TDRD12: variants seen among roughly 807,000 people sequenced by gnomAD.
TDRD12 encodes the protein putative ATP-dependent RNA helicase TDRD12.
A neutral mutation model predicts 133.5 loss-of-function variants in TDRD12; 158 were observed. The ratio of observed to expected loss-of-function variants is 1.18; its 90% CI spans 1.04 to 1.35. The LOEUF (loss-of-function observed/expected upper bound fraction) is 1.35, where lower values mean the gene tolerates loss of function less well. Ranked by LOEUF, TDRD12 falls within the 40% of genes most tolerant of loss-of-function variation. TDRD12 has a pLI of 0.00. For synonymous variants in TDRD12, 460 were observed against 477.9 expected (o/e 0.96, Z 0.49); for missense variants, 1,443 against 1,321.3 (o/e 1.09, Z -1.43).
At chr19:32,780,732 G>A (rs756229901) in intron 11 of TDRD12, among the ~76,000 whole-genome samples, 8 of 151,704 alleles carry the variant, frequency 5.3e-5, no homozygotes, top group Non-Finnish European at 8.8e-5. Context: ...CTGCTTCTCT[G>A]TTTTCACATA....
intron 1 of TDRD12, among the ~76,000 whole-genome samples, chr19:32,720,858 G>C (rs562478466): frequency 1.6e-4 from 21 of 128,984 alleles, no homozygotes; most frequent in Non-Finnish European, 2.6e-4. Flanking sequence ...ACCCCGGGCT[G>C]GGAGCTGGGG....
intron 21 of TDRD12, among the ~76,000 whole-genome samples, chr19:32,805,735 T>A (rs1475160314): frequency 6.8e-6 from 1 of 146,992 alleles, no homozygotes; most frequent in East Asian, 2.0e-4. Context: ...TTATCTTTTT[T>A]TTTTTTTTTT....
rs966111864 is a variant in TDRD12, at chr19:32,719,909, C to T, written c.-164C>T. 1.2e-6 allele frequency: 1 copy of T among 809,682 alleles called. No homozygotes were observed. The highest frequency in any genetic ancestry group is 2.0e-6 in the Non-Finnish European group (1 of 508,358). 50.2% of individuals were successfully genotyped at this position (809,682 alleles called of 1,614,324 possible). Reference sequence around the variant, plus strand: ...CGGGGTCCGCGAGGGCTCCTGGGGACGAGGAGTGTGGGGCACCTGCCGCGG... The same window carrying T: ...CGGGGTCCGCGAGGGCTCCTGGGGATGAGGAGTGTGGGGCACCTGCCGCGG... On this transcript the variant is annotated 5_prime_UTR_variant, in exon 1 of 28. It adds an upstream start codon to the 5' untranslated region. Transcript: ENST00000444215.
At chr19:32,792,616 G>A (rs1213259734) in intron 13 of TDRD12, among the ~76,000 whole-genome samples, 2 of 152,104 alleles carry the variant, frequency 1.3e-5, no homozygotes, top group African/African-American at 2.4e-5. Context: ...CTGAAAAATG[G>A]GATTTCTAGG....
At chr19:32,734,802 G>C (rs1054275251) in intron 2 of TDRD12, among the ~76,000 whole-genome samples, 1 of 152,038 alleles carries the variant, frequency 6.6e-6, no homozygotes, top group African/African-American at 2.4e-5. Flanking sequence ...TCCCACAGCA[G>C]GTCCTCACTT....
At chr19:32,794,450 A>C (rs543270247) in intron 13 of TDRD12, among the ~76,000 whole-genome samples, 178 bp from the exon 14 acceptor site, 1 of 152,130 alleles carries the variant, frequency 6.6e-6, no homozygotes, top group Non-Finnish European at 1.5e-5. Context: ...AAAAAGCAAC[A>C]GTCTTTTAAT....
chr19:32,729,414 T>G (rs1968969711), intron 1 of TDRD12, among the ~76,000 whole-genome samples: 1 of 151,484 alleles, frequency 6.6e-6, no homozygotes, highest in African/African-American at 2.4e-5. Context: ...AGACGGAGTT[T>G]CATCGTGTTA....
intron 19 of TDRD12, 87 bp from the exon 20 acceptor site, chr19:32,802,569 G>A (rs1971429410): frequency 5.0e-6 from 7 of 1,409,550 alleles, no homozygotes; most frequent in African/African-American, 1.4e-5. Context: ...ATATGGAAAT[G>A]CACTGCAGTG....
chr19:32,773,652 C>T (rs555927490), intron 10 of TDRD12, 120 bp downstream of exon 10: 28 of 721,146 alleles, frequency 3.9e-5, no homozygotes, highest in Admixed American at 6.7e-5. Flanking sequence ...GAGCTATGAT[C>T]GTACCACTGT....
intron 1 of TDRD12, among the ~76,000 whole-genome samples, chr19:32,722,333 T>A (rs1968710305): frequency 6.6e-6 from 1 of 151,936 alleles, no homozygotes; most frequent in Middle Eastern, 3.2e-3. Flanking sequence ...CGCGAACCCC[T>A]TTCCTCTCAG....
chr19:32,742,252 G>A (rs921100453), intron 3 of TDRD12, among the ~76,000 whole-genome samples: 14 of 151,796 alleles, frequency 9.2e-5, no homozygotes, highest in Non-Finnish European at 1.5e-4. Flanking sequence ...TGCCTCCCAG[G>A]TTCAAGCAAT....
At chr19:32,726,128 C>T (rs945558558) in intron 1 of TDRD12, among the ~76,000 whole-genome samples, 54 of 151,520 alleles carry the variant, frequency 3.6e-4, no homozygotes, top group African/African-American at 1.2e-3. Flanking sequence ...TCGCCCAGGC[C>T]GGAATGCAGT....
chr19:32,728,957 T>C (rs1230860424), intron 1 of TDRD12, among the ~76,000 whole-genome samples: 4 of 151,398 alleles, frequency 2.6e-5, no homozygotes, highest in Non-Finnish European at 5.9e-5. Context: ...TAAATTTTTA[T>C]TTTTCATTTA....
intron 22 of TDRD12, among the ~76,000 whole-genome samples, chr19:32,809,009 T>C (rs1599615777): frequency 6.6e-6 from 1 of 152,240 alleles, no homozygotes; most frequent in East Asian, 1.9e-4. Context: ...ACCTTGTTAC[T>C]TTGCTATTGC....
chr19:32,748,637 C>T, intron 5 of TDRD12, 106 bp downstream of exon 5: 1 of 1,188,292 alleles, frequency 8.4e-7, no homozygotes, highest in African/African-American at 1.5e-5. Context: ...GCCAAACGGC[C>T]CTCCTCAGAG....
chr19:32,826,173 C>A, downstream of TDRD12: 2 of 1,534,998 alleles, frequency 1.3e-6, no homozygotes, highest in East Asian at 2.4e-5. Flanking sequence ...TACGTCCACT[C>A]GGCATGGAGG....
intron 1 of TDRD12, among the ~76,000 whole-genome samples, chr19:32,728,242 G>T (rs1447664214): frequency 6.6e-6 from 1 of 151,912 alleles, no homozygotes; most frequent in Non-Finnish European, 1.5e-5. Context: ...GGCTATTTTG[G>T]GTCCCTTGGG....
At chr19:32,781,487 A>G (rs1457912303) in intron 11 of TDRD12, among the ~76,000 whole-genome samples, 1 of 151,952 alleles carries the variant, frequency 6.6e-6, no homozygotes, top group African/African-American at 2.4e-5. Context: ...TTTGGTGGAG[A>G]GCATCCTTTA....
At chr19:32,731,597 G>A in intron 1 of TDRD12, 128 bp from the exon 2 acceptor site, 3 of 807,164 alleles carry the variant, frequency 3.7e-6, no homozygotes, top group East Asian at 2.8e-5. Context: ...AACCATTTAA[G>A]CAAAGGCATT....
Sources: gnomAD v4.1 joint callset for allele counts (sites outside exome capture counted in the v4.1 genomes callset) on GRCh38, gnomAD v4.1.1 for gene constraint, MANE v1.5 for transcripts, NCBI Gene and HGNC (gene_info 2026-07-23, HGNC 2026-07-21) for gene names.